Variants in CTNNA3 observed in about 807,000 individuals in gnomAD.
The protein encoded by CTNNA3 is catenin alpha 3.
Under a neutral mutation model 95.7 loss-of-function variants are expected in CTNNA3, and 76 were observed. The ratio of observed to expected loss-of-function variants is 0.79; its 90% CI spans 0.66 to 0.96. CTNNA3 has a LOEUF of 0.96. Ranked by LOEUF, CTNNA3 falls within the 40% of genes least tolerant of loss-of-function variation. The probability of loss-of-function intolerance (pLI) is 0.00; values close to 1 mark genes in which losing one functional copy is unlikely to be tolerated. For synonymous variants in CTNNA3, 431 were observed against 374.4 expected, an observed-to-expected ratio of 1.15 and a Z score of -1.74; for missense variants, 1,191 against 1,089.8, an observed-to-expected ratio of 1.09 and a Z score of -1.31.
At chr10:67,346,720 A>G (rs781117138) in intron 5 of CTNNA3, 3 of 511,262 alleles carry the variant, frequency 5.9e-6, no homozygotes, top group African/African-American at 3.9e-5. Context: ...AAATAATCCA[A>G]ATTTCTTCCC....
At chr10:66,870,680 T>C (rs759996481) in intron 7 of CTNNA3, among the ~76,000 whole-genome samples, 1 of 152,188 alleles carries the variant, frequency 6.6e-6, no homozygotes, top group Non-Finnish European at 1.5e-5. Context: ...CTCTGTTCAT[T>C]GATTATTCCT....
At chr10:67,701,420 G>A (rs1025150699) in intron 1 of CTNNA3, among the ~76,000 whole-genome samples, 7 of 152,178 alleles carry the variant, frequency 4.6e-5, no homozygotes, top group African/African-American at 1.2e-4. Flanking sequence ...GACTAACAGT[G>A]GATGTCTTGG....
intron 11 of CTNNA3, among the ~76,000 whole-genome samples, chr10:66,444,503 G>C (rs150896522): frequency 0.05 from 7,597 of 152,258 alleles, 270 homozygotes; most frequent in East Asian, 0.11. Context: ...AGCCAGAAGA[G>C]AGTGGGGGCC....
intron 9 of CTNNA3, among the ~76,000 whole-genome samples, chr10:66,648,128 G>C (rs943746860): frequency 6.6e-6 from 1 of 152,022 alleles, no homozygotes; most frequent in African/African-American, 2.4e-5. Flanking sequence ...ATCCTCCATT[G>C]GCCTAACAGC....
At chr10:65,970,625 T>C (rs727787) in intron 16 of CTNNA3, among the ~76,000 whole-genome samples, 91,153 of 149,456 alleles carry the variant, frequency 0.61, 28,445 homozygotes, top group Non-Finnish European at 0.69. Flanking sequence ...GGAGCGGCTA[T>C]TATATTAGAT....
intron 7 of CTNNA3, among the ~76,000 whole-genome samples, chr10:66,786,179 C>T (rs1410347166): frequency 6.6e-6 from 1 of 152,042 alleles, no homozygotes; most frequent in East Asian, 1.9e-4. Flanking sequence ...TGCTCTATCC[C>T]TTATTGAGTC....
At chr10:67,605,474 T>C (rs573529011) in intron 3 of CTNNA3, among the ~76,000 whole-genome samples, 2 of 152,286 alleles carry the variant, frequency 1.3e-5, no homozygotes, top group South Asian at 4.1e-4. Flanking sequence ...TAGTTAATAA[T>C]GCTGTATTCA....
At chr10:66,849,488 G>A (rs919218405) in intron 7 of CTNNA3, among the ~76,000 whole-genome samples, 2 of 152,110 alleles carry the variant, frequency 1.3e-5, no homozygotes, top group African/African-American at 4.8e-5. Context: ...TGGAACATTA[G>A]AATGTGACTT....
chr10:66,018,676 C>T (rs187983872), intron 15 of CTNNA3, among the ~76,000 whole-genome samples: 11 of 152,068 alleles, frequency 7.2e-5, no homozygotes, highest in South Asian at 2.1e-4. Context: ...TTTCTCAAAC[C>T]GTTCACTCTA....
intron 12 of CTNNA3, among the ~76,000 whole-genome samples, chr10:66,296,527 A>G (rs756141148): frequency 8.5e-5 from 13 of 152,096 alleles, no homozygotes; most frequent in Non-Finnish European, 1.8e-4. Context: ...GAATAACAAA[A>G]TAAACTCACA....
intron 3 of CTNNA3, among the ~76,000 whole-genome samples, chr10:67,570,135 C>A (rs766954961): frequency 1.2e-4 from 19 of 152,028 alleles, no homozygotes; most frequent in Non-Finnish European, 2.2e-4. Context: ...AATTTTAATT[C>A]TCTTCAACTC....
chr10:66,457,920 T>C (rs1285454303), intron 11 of CTNNA3, among the ~76,000 whole-genome samples: 1 of 152,100 alleles, frequency 6.6e-6, no homozygotes, highest in East Asian at 1.9e-4. Context: ...AGTAACTGTC[T>C]CATGGCAGCC....
chr10:66,090,447 T>TA (rs1290700697), intron 14 of CTNNA3, among the ~76,000 whole-genome samples: 4 of 152,060 alleles, frequency 2.6e-5, no homozygotes, highest in Non-Finnish European at 5.9e-5. Flanking sequence ...CACTTAATGA[T>TA]ACATCATTCC....
At chr10:67,317,779 T>A (rs749615644) in intron 5 of CTNNA3, among the ~76,000 whole-genome samples, 43 of 152,274 alleles carry the variant, frequency 2.8e-4, no homozygotes, top group Middle Eastern at 3.4e-3. Flanking sequence ...GTTCAGTAGG[T>A]ATGCTTTGGC....
intron 9 of CTNNA3, among the ~76,000 whole-genome samples, chr10:66,656,325 G>C (rs2132428879): frequency 6.6e-6 from 1 of 152,266 alleles, no homozygotes. Context: ...AAAGGAATTA[G>C]AGTTTTACAT....
intron 9 of CTNNA3, among the ~76,000 whole-genome samples, chr10:66,669,668 G>A (rs1846587797): frequency 1.3e-5 from 2 of 152,172 alleles, no homozygotes; most frequent in African/African-American, 2.4e-5. Flanking sequence ...TTAAGGAAAG[G>A]GAACACTGGG....
rs369390875 is a variant in CTNNA3, at chr10:66,597,511, C to CATATATATAT, written c.1374+24171_1374+24180dup. Among the ~76,000 whole-genome samples the CATATATATAT allele has an allele frequency of 3.6e-3, 253 of 70,934 alleles. 3 individuals carry two copies. The highest frequency in any genetic ancestry group is 5.5e-3 in the Non-Finnish European group (185 of 33,906). 46.5% of individuals were successfully genotyped at this position (70,934 alleles called of 152,430 possible). On this transcript the variant is annotated intron_variant, in intron 10 of 17. Coordinates refer to ENST00000433211, the MANE Select transcript of CTNNA3 (RefSeq NM_013266.4). ...GGTCAACATGGCATTTTATTTCATA[C>CATATATATAT]ATATATATATATATATATATATATA...
chr10:66,159,934 ATCTCT>A (rs986360989), intron 13 of CTNNA3, among the ~76,000 whole-genome samples: 2 of 151,958 alleles, frequency 1.3e-5, no homozygotes, highest in African/African-American at 4.8e-5. Context: ...GAATATATTC[ATCTCT>A]TCTAAGTTTT....
At position 67,356,173 on chromosome 10, in the gene CTNNA3, A is replaced by G. The variant is rs76083762; in HGVS notation, c.580-136303T>C. ...GAGAACATAAAGTCCCTCATGTTCTATCTCCTCCTGAATACTGCCTCCACC... is the reference window on the plus strand; with the variant it reads ...GAGAACATAAAGTCCCTCATGTTCTGTCTCCTCCTGAATACTGCCTCCACC... On this transcript the variant is annotated intron_variant, in intron 5 of 17. Coordinates refer to ENST00000433211, the MANE Select transcript of CTNNA3 (RefSeq NM_013266.4). Among the ~76,000 whole-genome samples the G allele has an allele frequency of 0.018, 2,709 of 152,078 alleles. 208 individuals carry two copies. In the East Asian group the frequency reaches 0.24, roughly 13 times the overall value.
Sources: allele counts gnomAD v4.1 joint callset (sites outside exome capture counted in the v4.1 genomes callset), GRCh38; gene constraint gnomAD v4.1.1; transcripts MANE v1.5; gene names NCBI Gene and HGNC (gene_info 2026-07-23, HGNC 2026-07-21).